The following WDR70 variants were observed in gnomAD, a reference collection of about 807,000 sequenced individuals.
WDR70 encodes the protein WD repeat domain 70.
Under a neutral mutation model 88.6 loss-of-function variants are expected in WDR70, and 53 were observed. The ratio of observed to expected loss-of-function variants is 0.60; its 90% CI spans 0.48 to 0.75. WDR70 has a LOEUF of 0.75. Among genes scored for constraint, WDR70 ranks in the 30% least tolerant of loss-of-function variants. The pLI is 0.00. For missense variants in WDR70, 610 were observed against 823.2 expected, an observed-to-expected ratio of 0.74 and a Z score of 3.17; for synonymous variants, 280 against 270.0, an observed-to-expected ratio of 1.04 and a Z score of -0.36.
intron 7 of WDR70, among the ~76,000 whole-genome samples, chr5:37,467,051 C>T (rs1253385957): frequency 3.3e-5 from 5 of 151,894 alleles, no homozygotes; most frequent in Non-Finnish European, 4.4e-5. Flanking sequence ...GCCTGGGCAG[C>T]ATGGCAAAAC....
At chr5:37,598,879 A>C (rs185945013) in intron 9 of WDR70, among the ~76,000 whole-genome samples, 55 of 152,368 alleles carry the variant, frequency 3.6e-4, no homozygotes, top group Non-Finnish European at 1.0e-4. Context: ...CATCCAGAAG[A>C]CAAGAAAACG....
At chr5:37,657,729 C>T (rs6887613) in intron 10 of WDR70, among the ~76,000 whole-genome samples, 71,030 of 151,932 alleles carry the variant, frequency 0.47, 18,158 homozygotes, top group Non-Finnish European at 0.58. Flanking sequence ...TAGGATTGTA[C>T]AAGTTGTGCC....
At chr5:37,502,565 A>G (rs1412511763) in intron 8 of WDR70, among the ~76,000 whole-genome samples, 1 of 152,038 alleles carries the variant, frequency 6.6e-6, no homozygotes, top group Admixed American at 6.6e-5. Flanking sequence ...TTTTTGTTTT[A>G]AATTCTGTTT....
intron 7 of WDR70, among the ~76,000 whole-genome samples, chr5:37,445,615 G>T (rs1179017569): frequency 1.3e-5 from 2 of 152,080 alleles, no homozygotes; most frequent in Non-Finnish European, 2.9e-5. Context: ...TTCATCCCTG[G>T]GATGCAAAGC....
chr5:37,615,099 TCTC>T (rs1744298256), intron 10 of WDR70, among the ~76,000 whole-genome samples: 1 of 151,738 alleles, frequency 6.6e-6, no homozygotes, highest in Non-Finnish European at 1.5e-5. Context: ...AGTATTAAAA[TCTC>T]CTGGAAAGTA....
At chr5:37,718,467 C>T (rs973106122) in intron 13 of WDR70, among the ~76,000 whole-genome samples, 2 of 152,100 alleles carry the variant, frequency 1.3e-5, no homozygotes, top group African/African-American at 4.8e-5. Flanking sequence ...CTCTAGAGAA[C>T]CAAGAAAGAG....
At chr5:37,495,586 ATTC>A in intron 8 of WDR70, among the ~76,000 whole-genome samples, 1 of 152,296 alleles carries the variant, frequency 6.6e-6, no homozygotes, top group East Asian at 1.9e-4. Flanking sequence ...TAGTTGCTTA[ATTC>A]TTTCTTCTAG....
rs1049154162 is a variant in WDR70 at position 37,627,201 on chromosome 5, G to C, written c.1092+21963G>C. Among the ~76,000 whole-genome samples the C allele has an allele frequency of 9.9e-5, 15 of 152,076 alleles. No individual in the cohort carries two copies. In the South Asian group the frequency reaches 1.5e-3, roughly 15 times the overall value. On this transcript the variant is annotated intron_variant, in intron 10 of 17. Transcript: ENST00000265107. ...CTTCCTGAGCTCAGGTGATCATCCTGCCTCTGCCACCTGAGTAGCTGGGAC... is the reference window on the plus strand; with the variant it reads ...CTTCCTGAGCTCAGGTGATCATCCTCCCTCTGCCACCTGAGTAGCTGGGAC...
At chr5:37,683,267 G>A (rs1746492372) in intron 10 of WDR70, among the ~76,000 whole-genome samples, 1 of 152,104 alleles carries the variant, frequency 6.6e-6, no homozygotes, top group Admixed American at 6.5e-5. Flanking sequence ...TTTGGTCTTG[G>A]TTCTTTATCC....
At chr5:37,628,126 A>G (rs7727807) in intron 10 of WDR70, among the ~76,000 whole-genome samples, 87,739 of 152,082 alleles carry the variant, frequency 0.58, 25,493 homozygotes, top group African/African-American at 0.62. Context: ...GTTTCACTAC[A>G]TTGCCCAGGG....
At chr5:37,709,867 C>A (rs1394344991) in intron 13 of WDR70, among the ~76,000 whole-genome samples, 1 of 152,088 alleles carries the variant, frequency 6.6e-6, no homozygotes, top group Non-Finnish European at 1.5e-5. Context: ...TGGGGAATTT[C>A]CTAAAGCAAG....
intron 5 of WDR70, among the ~76,000 whole-genome samples, chr5:37,436,707 C>T (rs1214232317): frequency 2.0e-5 from 3 of 151,954 alleles, no homozygotes; most frequent in South Asian, 2.1e-4. Flanking sequence ...TTTGAAAAAG[C>T]GGGATTGCAG....
At chr5:37,664,964 T>C (rs987221016) in intron 10 of WDR70, among the ~76,000 whole-genome samples, 2 of 152,262 alleles carry the variant, frequency 1.3e-5, no homozygotes, top group Non-Finnish European at 2.9e-5. Context: ...ATAGGGAAGA[T>C]AAATTTGTAG....
chr5:37,437,594 A>G (rs1030056250), intron 5 of WDR70, among the ~76,000 whole-genome samples: 6 of 152,168 alleles, frequency 3.9e-5, no homozygotes, highest in Non-Finnish European at 8.8e-5. Flanking sequence ...GAATTATACT[A>G]TTAACAGCTA....
At chr5:37,680,061 G>GT (rs2112615106) in intron 10 of WDR70, among the ~76,000 whole-genome samples, 2 of 152,118 alleles carry the variant, frequency 1.3e-5, no homozygotes, top group South Asian at 2.1e-4. Flanking sequence ...AGCATCGGCT[G>GT]TTTTTTGACT....
At chr5:37,490,693 T>G (rs1740040478) in intron 8 of WDR70, among the ~76,000 whole-genome samples, 3 of 150,004 alleles carry the variant, frequency 2.0e-5, no homozygotes, top group Admixed American at 1.3e-4. Flanking sequence ...TTGCCGGGGG[T>G]AGGTGGGCAA....
At chr5:37,644,210 A>T (rs1745176809) in intron 10 of WDR70, among the ~76,000 whole-genome samples, 1 of 151,100 alleles carries the variant, frequency 6.6e-6, no homozygotes, top group Non-Finnish European at 1.5e-5. Context: ...GTTGAATTTT[A>T]TCAAATGCTT....
intron 9 of WDR70, among the ~76,000 whole-genome samples, chr5:37,539,594 G>A (rs1013712601): frequency 5.3e-5 from 8 of 152,214 alleles, no homozygotes; most frequent in Non-Finnish European, 7.3e-5. Flanking sequence ...TGTTGTGGCA[G>A]CCCTAGCAAA....
intron 10 of WDR70, among the ~76,000 whole-genome samples, chr5:37,680,337 A>G (rs989047005): frequency 6.6e-6 from 1 of 152,036 alleles, no homozygotes; most frequent in African/African-American, 2.4e-5. Flanking sequence ...CATTTCTCCC[A>G]TTTTGTAGGT....
Sources: gnomAD v4.1 joint callset for allele counts (sites outside exome capture counted in the v4.1 genomes callset) on GRCh38, gnomAD v4.1.1 for gene constraint, MANE v1.5 for transcripts, NCBI Gene and HGNC (gene_info 2026-07-23, HGNC 2026-07-21) for gene names.